SEMA5A: variants seen among roughly 807,000 people sequenced by gnomAD.
SEMA5A encodes the protein semaphorin-5A.
SEMA5A carries 55 observed loss-of-function variants against 135.5 expected under a neutral mutation model. The ratio of observed to expected loss-of-function variants is 0.41; its 90% CI spans 0.33 to 0.51. SEMA5A has a LOEUF of 0.51. Among genes scored for constraint, SEMA5A ranks in the 20% least tolerant of loss-of-function variants. The pLI, the probability that SEMA5A is intolerant of heterozygous loss-of-function variation, is 0.37. For missense variants in SEMA5A, 1,290 were observed against 1,419.9 expected (o/e 0.91, Z 1.47); for synonymous variants, 580 against 546.5 (o/e 1.06, Z -0.85).
At chr5:9,534,993 A>C (rs1047658004) in intron 1 of SEMA5A, among the ~76,000 whole-genome samples, 2 of 151,976 alleles carry the variant, frequency 1.3e-5, no homozygotes, top group Non-Finnish European at 2.9e-5. Flanking sequence ...ACCTACATTG[A>C]CTCCTTGAAG....
chr5:9,277,653 C>T (rs1750329696), intron 5 of SEMA5A, among the ~76,000 whole-genome samples: 1 of 152,142 alleles, frequency 6.6e-6, no homozygotes, highest in African/African-American at 2.4e-5. Context: ...GGATGAGTTC[C>T]TGTCCTGTAC....
intron 5 of SEMA5A, among the ~76,000 whole-genome samples, chr5:9,287,137 G>T (rs1343414604): frequency 6.6e-6 from 1 of 152,166 alleles, no homozygotes; most frequent in East Asian, 1.9e-4. Flanking sequence ...CAGAGACATA[G>T]GCAAGTGTGC....
chr5:9,099,826 C>G (rs947587799), intron 16 of SEMA5A, among the ~76,000 whole-genome samples: 1 of 152,204 alleles, frequency 6.6e-6, no homozygotes, highest in Non-Finnish European at 1.5e-5. Context: ...CTCTGTCTCC[C>G]TGCTTTGCTC....
chr5:9,054,188 A>G lies in SEMA5A; in HGVS notation c.2588T>C (p.Met863Thr), dbSNP rs761373249. 13 of 1,613,980 alleles carry G rather than the reference A, an allele frequency of 8.1e-6. No homozygotes were observed. Among genetic ancestry groups the G allele is most frequent in the Non-Finnish European group, 1.1e-5 (13 of 1,180,032 alleles). The change falls in exon 19 of 23, where the codon ATG becomes ACG. Residue 863 changes from methionine (M) to threonine (T), a missense_variant. By Grantham distance (81) the Met-to-Thr change is moderately conservative (BLOSUM62 -1). Coordinates refer to ENST00000382496, the MANE Select transcript of SEMA5A (RefSeq NM_003966.3). The stretch of plus-strand genomic sequence containing the variant: ...TGGATTGGAGCAAGAGCGGGTCCTC[A>G]TATAGTGTCCACCGCCGCATGTTGC... ...CSATCGGGHY[M>T]RTRSCSNPAP...
intron 13 of SEMA5A, among the ~76,000 whole-genome samples, chr5:9,124,146 A>T (rs1740978573): frequency 1.3e-5 from 2 of 152,044 alleles, no homozygotes; most frequent in Admixed American, 1.3e-4. Flanking sequence ...CAGGGACCTT[A>T]TGGGGAGGGG....
At chr5:9,258,250 G>A (rs1270218841) in intron 5 of SEMA5A, among the ~76,000 whole-genome samples, 4 of 152,192 alleles carry the variant, frequency 2.6e-5, no homozygotes, top group African/African-American at 9.6e-5. Flanking sequence ...ATATTTTCAT[G>A]TAAGTTCTTA....
intron 2 of SEMA5A, among the ~76,000 whole-genome samples, chr5:9,389,502 C>T (rs1299013605): frequency 1.3e-5 from 2 of 152,196 alleles, no homozygotes; most frequent in African/African-American, 4.8e-5. Flanking sequence ...TCATAGCTAA[C>T]TACACCATCA....
In SEMA5A at chr5:9,190,477, A is replaced by C; in HGVS notation, c.1069-6T>G. ...CCCTGGTCCACGGTGCCACACTGAA[A>C]GGGAAGACGGGCCAGGTTACCAGAG... On this transcript the variant is annotated splice_region_variant and splice_polypyrimidine_tract_variant and intron_variant, in intron 10 of 22. Transcript: ENST00000382496. 6.2e-7 allele frequency: 1 copy of C among 1,612,536 alleles called. No individual in the cohort carries two copies. Among genetic ancestry groups the C allele is most frequent in the South Asian group, 1.1e-5 (1 of 91,008 alleles).
chr5:9,089,908 CT>C (rs1262491112), intron 16 of SEMA5A, among the ~76,000 whole-genome samples: 6 of 152,120 alleles, frequency 3.9e-5, no homozygotes, highest in Non-Finnish European at 4.4e-5. Flanking sequence ...TTGTAACATT[CT>C]TTCTCTCTTA....
chr5:9,069,315 T>C (rs1256841451), intron 16 of SEMA5A, among the ~76,000 whole-genome samples: 2 of 152,234 alleles, frequency 1.3e-5, no homozygotes, highest in South Asian at 2.1e-4. Flanking sequence ...GTCTTCCACA[T>C]AGTTCTCCTC....
At chr5:9,426,185 C>T (rs1757639691) in intron 2 of SEMA5A, among the ~76,000 whole-genome samples, 1 of 152,080 alleles carries the variant, frequency 6.6e-6, no homozygotes. Flanking sequence ...CACCTGTAAT[C>T]CCAGCACTTT....
At chr5:9,401,212 C>G (rs1173172386) in intron 2 of SEMA5A, among the ~76,000 whole-genome samples, 1 of 152,166 alleles carries the variant, frequency 6.6e-6, no homozygotes, top group Non-Finnish European at 1.5e-5. Flanking sequence ...ACCCAGTGAG[C>G]ATGAAGGTGG....
rs568051131 is a variant in SEMA5A at position 9,181,322 on chromosome 5, A to C, written c.1273+8945T>G. Among the ~76,000 whole-genome samples the C allele has an allele frequency of 3.9e-5, 6 of 152,316 alleles. 1 individual carries two copies. In the South Asian group the frequency reaches 1.0e-3, roughly 26 times the overall value. The stretch of plus-strand genomic sequence containing the variant: ...ATCTAACCTGTACTGAAAACAGTCA[A>C]AATTGCATGTGCCAAAACCCCAAAG... On this transcript the variant is annotated intron_variant, in intron 11 of 22. Coordinates refer to ENST00000382496, the MANE Select transcript of SEMA5A (RefSeq NM_003966.3).
intron 1 of SEMA5A, among the ~76,000 whole-genome samples, chr5:9,532,507 C>T (rs1174465205): frequency 3.4e-5 from 5 of 145,964 alleles, no homozygotes; most frequent in Non-Finnish European, 7.4e-5. Flanking sequence ...AGCCTGGTCT[C>T]GAACTCCTGA....
At chr5:9,161,126 G>T (rs1743229316) in intron 11 of SEMA5A, among the ~76,000 whole-genome samples, 1 of 94,214 alleles carries the variant, frequency 1.1e-5, no homozygotes, top group African/African-American at 2.9e-5. Context: ...GTTTTTTAGT[G>T]GGGAATTTTT....
chr5:9,153,319 G>A (rs1345867200), intron 12 of SEMA5A, among the ~76,000 whole-genome samples: 2 of 152,196 alleles, frequency 1.3e-5, no homozygotes, highest in East Asian at 3.8e-4. Context: ...TTTTGTCAGG[G>A]ATCAGAGTGT....
In SEMA5A at chr5:9,150,484, A is replaced by T. The variant is rs1402564807; in HGVS notation, c.1481+4004T>A. Among the ~76,000 whole-genome samples the T allele has an allele frequency of 2.0e-5, 3 of 152,208 alleles. No individual in the cohort carries two copies. The East Asian group carries it at 5.8e-4, about 29-fold the overall frequency. ...TATTAAATGGCTGTGCTAAAAAAAA[A>T]TGCTAACATCAAAACACAATTTTTT... On this transcript the variant is annotated intron_variant, in intron 12 of 22. Coordinates refer to ENST00000382496, the MANE Select transcript of SEMA5A (RefSeq NM_003966.3).
At chr5:9,045,033 C>T (rs1196662352) in intron 21 of SEMA5A, among the ~76,000 whole-genome samples, 1 of 152,120 alleles carries the variant, frequency 6.6e-6, no homozygotes, top group Non-Finnish European at 1.5e-5. Context: ...GATCTGCCAG[C>T]CTCAGCCTCT....
At chr5:9,356,973 C>T (rs564739223) in intron 3 of SEMA5A, among the ~76,000 whole-genome samples, 5 of 152,260 alleles carry the variant, frequency 3.3e-5, no homozygotes, top group East Asian at 1.9e-4. Context: ...AAGCCCCGAA[C>T]GATGAGGAAT....
Sources: gnomAD v4.1 joint callset for allele counts (sites outside exome capture counted in the v4.1 genomes callset) on GRCh38, gnomAD v4.1.1 for gene constraint, MANE v1.5 for transcripts, NCBI Gene and HGNC (gene_info 2026-07-23, HGNC 2026-07-21) for gene names.